Variants in EIF2A observed in about 807,000 individuals in gnomAD.
EIF2A encodes the protein 65 kDa eukaryotic translation initiation factor 2A.
EIF2A carries 62 observed loss-of-function variants against 75.2 expected under a neutral mutation model. That is an observed-to-expected ratio of 0.82 (90% CI 0.67 to 1.02). EIF2A has a LOEUF of 1.02. Among genes scored for constraint, EIF2A ranks in the 50% least tolerant of loss-of-function variants. The pLI, the probability that EIF2A is intolerant of heterozygous loss-of-function variation, is 0.00. For synonymous variants in EIF2A, 207 were observed against 239.0 expected (o/e 0.87, Z 1.23); for missense variants, 611 against 677.7 (o/e 0.90, Z 1.09).
intron 6 of EIF2A, among the ~76,000 whole-genome samples, chr3:150,565,519 T>C: frequency 6.6e-6 from 1 of 152,226 alleles, no homozygotes; most frequent in East Asian, 1.9e-4. Flanking sequence ...TCAGTTTTAA[T>C]ATAATGTATT....
At chr3:150,574,442 A>G (rs936564619) in intron 10 of EIF2A, among the ~76,000 whole-genome samples, 2 of 152,230 alleles carry the variant, frequency 1.3e-5, no homozygotes, top group African/African-American at 4.8e-5. Flanking sequence ...CGGCCAAAGT[A>G]AACTACTACA....
Position 150,563,615 on chromosome 3 carries a change from G to C in EIF2A, c.392+1G>C. On this transcript the variant is annotated splice_donor_variant, in intron 5 of 13. Transcript: ENST00000460851. LOFTEE classifies it high-confidence loss of function. ...TCATCCAGAAAAAAATGCAAAATTG[G>C]TAAATAAATGGCTTAAAATACTAAT... The C allele has an allele frequency of 6.6e-7, 1 of 1,523,022 alleles. No homozygotes were observed. Among genetic ancestry groups the C allele is most frequent in the South Asian group, 1.3e-5 (1 of 78,220 alleles). 94.3% of individuals were successfully genotyped at this position (1,523,022 alleles called of 1,614,324 possible).
rs772646878 is a variant in EIF2A at position 150,564,325 on chromosome 3, C to G, written c.419C>G (p.Thr140Ser). ...TGTCCATCCTGGTCAGAAGATGAAA[C>G]TCTTTGTGCCCGCAATGTTAACAAT... ...NWCPSWSEDE[T>S]LCARNVNNEV... The change falls in exon 6 of 14, where the codon ACT becomes AGT. Residue 140 changes from threonine (T) to serine (S), a missense_variant. By Grantham distance (58) the Thr-to-Ser change is moderately conservative (BLOSUM62 1). Transcript: ENST00000460851. 6 of 1,596,360 alleles carry G rather than the reference C, an allele frequency of 3.8e-6. No homozygotes were observed. Among genetic ancestry groups the G allele is most frequent in the Non-Finnish European group, 5.1e-6 (6 of 1,173,546 alleles).
intron 3 of EIF2A, among the ~76,000 whole-genome samples, chr3:150,561,305 C>G (rs1038873353): frequency 6.6e-6 from 1 of 151,722 alleles, no homozygotes; most frequent in East Asian, 2.0e-4. Flanking sequence ...GGGCCGGACA[C>G]GGTGGCTCAT....
intron 10 of EIF2A, among the ~76,000 whole-genome samples, chr3:150,574,138 A>G (rs1724717318): frequency 1.3e-5 from 2 of 152,308 alleles, no homozygotes; most frequent in African/African-American, 4.8e-5. Flanking sequence ...ACTTGAGCCC[A>G]GAAGGAGGAG....
chr3:150,568,903 C>G (rs933230704), intron 9 of EIF2A, among the ~76,000 whole-genome samples: 1 of 152,162 alleles, frequency 6.6e-6, no homozygotes, highest in African/African-American at 2.4e-5. Flanking sequence ...GGTGAAAGAG[C>G]GAGACCCTGT....
Position 150,575,718 on chromosome 3 carries a change from C to A in EIF2A, c.1453C>A (p.Leu485Ile), listed in dbSNP as rs1724819670. 1 of 1,613,124 alleles carries A rather than the reference C, an allele frequency of 6.2e-7. No individual in the cohort carries two copies. Reference sequence around the variant, plus strand: ...CGATAAGCCATTATCAAAAACAGCTCTTAAAAATCAAAGGAAGCATGAAGC... The same window carrying A: ...CGATAAGCCATTATCAAAAACAGCTATTAAAAATCAAAGGAAGCATGAAGC... Reference protein sequence around the residue: ...GNDKPLSKTALKNQRKHEAKK... With the variant: ...GNDKPLSKTAIKNQRKHEAKK... The change falls in exon 11 of 14, where the codon CTT (leucine) becomes ATT (isoleucine). Residue 485 changes from leucine (L) to isoleucine (I), a missense_variant. Physicochemically the swap from Leu to Ile is conservative, Grantham distance 5. Coordinates refer to ENST00000460851, the MANE Select transcript of EIF2A (RefSeq NM_032025.5).
chr3:150,578,571 A>G (rs1232645359), intron 11 of EIF2A, among the ~76,000 whole-genome samples: 1 of 151,966 alleles, frequency 6.6e-6, no homozygotes, highest in Non-Finnish European at 1.5e-5. Flanking sequence ...GTTTTTTTTA[A>G]AAGAGCCAAT....
intron 2 of EIF2A, 58 bp from the exon 3 acceptor site, chr3:150,558,329 AT>A (rs1723672818): frequency 2.2e-6 from 3 of 1,376,074 alleles, no homozygotes; most frequent in Non-Finnish European, 2.9e-6. Flanking sequence ...TTATAATCAG[AT>A]TTTTTTGAAA....
intron 2 of EIF2A, 197 bp downstream of exon 2, chr3:150,552,622 A>C (rs889004269): frequency 5.8e-5 from 27 of 462,724 alleles, no homozygotes; most frequent in African/African-American, 4.4e-4. Flanking sequence ...TAGTAACTTA[A>C]GCCTATTTAT....
intron 3 of EIF2A, among the ~76,000 whole-genome samples, chr3:150,561,197 C>G (rs1259412019): frequency 6.6e-6 from 1 of 152,164 alleles, no homozygotes; most frequent in Non-Finnish European, 1.5e-5. Context: ...CTCCTGGGCT[C>G]AAGCAGTCCT....
rs1246224310 is a variant in EIF2A, at chr3:150,552,279, T to C, written c.29-77T>C. 8 of 1,291,838 alleles carry C rather than the reference T, an allele frequency of 6.2e-6. No homozygotes were observed. The Admixed American group carries it at 7.3e-5, about 12-fold the overall frequency. 80.0% of individuals were successfully genotyped at this position (1,291,838 alleles called of 1,614,324 possible). ...CATTAATATTTTGACTAAAGCTGCTTTTTTAAAAAACACATTTGTGTTAAC... is the reference window on the plus strand; with the variant it reads ...CATTAATATTTTGACTAAAGCTGCTCTTTTAAAAAACACATTTGTGTTAAC... On this transcript the variant is annotated intron_variant, in intron 1 of 13. Coordinates refer to ENST00000460851, the MANE Select transcript of EIF2A (RefSeq NM_032025.5).
At chr3:150,566,747 T>TA (rs1314651832) in intron 6 of EIF2A, 3 of 150,800 alleles carry the variant, frequency 2.0e-5, no homozygotes, top group African/African-American at 7.3e-5. Context: ...AAGGTATTCT[T>TA]ACAATCTTAA....
At chr3:150,561,993 A>G (rs959402753) in intron 3 of EIF2A, among the ~76,000 whole-genome samples, 23 of 151,902 alleles carry the variant, frequency 1.5e-4, no homozygotes, top group African/African-American at 5.1e-4. Flanking sequence ...TCCCGACCTC[A>G]GGTGATCCAC....
intron 9 of EIF2A, 107 bp downstream of exon 9, chr3:150,568,399 T>C: frequency 2.2e-6 from 2 of 899,114 alleles, no homozygotes; most frequent in Non-Finnish European, 3.2e-6. Flanking sequence ...AGAATTCATA[T>C]GCCTTAATAA....
Position 150,563,498 on chromosome 3 carries a change from A to C in EIF2A, c.293-17A>C, listed in dbSNP as rs1452593889. ...ATGTTACAAGGCAATTACTGAAAAA[A>C]AGAAATTTTATTGCAGCTTCTAAAG... On this transcript the variant is annotated splice_polypyrimidine_tract_variant and intron_variant, in intron 4 of 13. Transcript: ENST00000460851. 3 of 1,538,882 alleles carry C rather than the reference A, an allele frequency of 1.9e-6. No individual in the cohort carries two copies. In the East Asian group the frequency reaches 7.4e-5, roughly 38 times the overall value.
chr3:150,562,544 T>C lies in EIF2A; in HGVS notation c.176T>C (p.Val59Ala). ...TLFAWGNGEK[V>A]NIISVTNKGL... ...GAAATAATTTCTTTTGAAACCAGAG[T>C]AAATATTATCAGTGTCACTAACAAG... Residue 59 changes from valine to alanine, a missense_variant and splice_region_variant, in exon 4 of 14, where the codon GTA (valine) becomes GCA (alanine). Coordinates refer to ENST00000460851, the MANE Select transcript of EIF2A (RefSeq NM_032025.5). The C allele has an allele frequency of 6.2e-7, 1 of 1,609,526 alleles. No homozygotes were observed. The highest frequency in any genetic ancestry group is 8.5e-7 in the Non-Finnish European group (1 of 1,177,234).
At chr3:150,580,694 T>TGG in intron 11 of EIF2A, among the ~76,000 whole-genome samples, 1 of 152,200 alleles carries the variant, frequency 6.6e-6, no homozygotes, top group Non-Finnish European at 1.5e-5. Flanking sequence ...CGGCTTCTCT[T>TGG]TGGCATATCC....
intron 11 of EIF2A, among the ~76,000 whole-genome samples, chr3:150,580,511 C>A (rs372741631): frequency 6.6e-6 from 1 of 152,158 alleles, no homozygotes; most frequent in Non-Finnish European, 1.5e-5. Flanking sequence ...TGAATGACCA[C>A]GGCTATAACT....
Sources: gnomAD v4.1 joint callset for allele counts (sites outside exome capture counted in the v4.1 genomes callset) on GRCh38, gnomAD v4.1.1 for gene constraint, MANE v1.5 for transcripts, NCBI Gene and HGNC (gene_info 2026-07-23, HGNC 2026-07-21) for gene names.